CALN1: variants seen among roughly 807,000 people sequenced by gnomAD.
The protein encoded by CALN1 is calcium-binding protein 8.
A neutral mutation model predicts 30.6 loss-of-function variants in CALN1; 17 were observed. The ratio of observed to expected loss-of-function variants is 0.56; its 90% CI spans 0.38 to 0.83. The LOEUF (loss-of-function observed/expected upper bound fraction) is 0.83, where lower values mean the gene tolerates loss of function less well. Among genes scored for constraint, CALN1 ranks in the 40% least tolerant of loss-of-function variants. The pLI, the probability that CALN1 is intolerant of heterozygous loss-of-function variation, is 0.00. For missense variants in CALN1, 291 were observed against 354.9 expected (o/e 0.82, Z 1.45); for synonymous variants, 156 against 131.4 (o/e 1.19, Z -1.28).
At chr7:72,258,648 G>C (rs1393519101) in intron 3 of CALN1, among the ~76,000 whole-genome samples, 1 of 152,180 alleles carries the variant, frequency 6.6e-6, no homozygotes, top group Non-Finnish European at 1.5e-5. Flanking sequence ...AGCCAGGGGT[G>C]GTGGCTCACG....
At chr7:72,152,019 C>T (rs1787292494) in intron 3 of CALN1, among the ~76,000 whole-genome samples, 1 of 150,918 alleles carries the variant, frequency 6.6e-6, no homozygotes, top group Admixed American at 6.6e-5. Context: ...AGTGATTCTC[C>T]TGCCTCAGCC....
intron 5 of CALN1, among the ~76,000 whole-genome samples, chr7:72,021,070 A>C (rs1800676617): frequency 6.6e-6 from 1 of 152,102 alleles, no homozygotes; most frequent in Admixed American, 6.6e-5. Flanking sequence ...TAGGAGTTTG[A>C]GACCAGCCTG....
intron 2 of CALN1, among the ~76,000 whole-genome samples, chr7:72,297,430 A>G (rs557767526): frequency 2.0e-5 from 3 of 152,360 alleles, no homozygotes; most frequent in African/African-American, 4.8e-5. Flanking sequence ...ACAAATATAG[A>G]AAGCATAAAT....
chr7:72,437,925 C>T lies in CALN1; in HGVS notation c.-226+9117G>A, dbSNP rs535793597. Among the ~76,000 whole-genome samples, 4 of 148,236 alleles carry T rather than the reference C, an allele frequency of 2.7e-5. No homozygotes were observed. The Admixed American group carries it at 2.7e-4, about 10-fold the overall frequency. ...CTCCCTCCTTCCCTTCCCTCTCTCC[C>T]TTCCTTCCCTCTCTCCCTTCCTTCC... On this transcript the variant is annotated intron_variant, in intron 1 of 6. Coordinates refer to the CALN1 transcript ENST00000395276.
rs1246982884 is a variant in CALN1, at chr7:71,782,370, C to T, written c.*5405G>A. 1 of 152,184 alleles carries T rather than the reference C, an allele frequency of 6.6e-6. No individual in the cohort carries two copies. Among genetic ancestry groups the T allele is most frequent in the Non-Finnish European group, 1.5e-5 (1 of 68,054 alleles). The allele number at this position is 152,184 out of a possible 1,614,324, so 9.4% of individuals were successfully genotyped here. A position where few individuals can be genotyped will look rare whatever the true frequency, so the allele number is the denominator to read the frequency against. ...CTTGCTGTGTGACGTGCCTGCTCCC[C>T]CTTCACCTTCCACCATGGGTCAAAG... On this transcript the variant is annotated 3_prime_UTR_variant, in exon 7 of 7. Transcript: ENST00000395275.
In CALN1 at chr7:72,121,336, TA is replaced by T. The variant is rs1453223612; in HGVS notation, c.245-15043del. Among the ~76,000 whole-genome samples, 9 of 144,062 alleles carry T rather than the reference TA, an allele frequency of 6.2e-5. No individual in the cohort carries two copies. In the South Asian group the frequency reaches 1.9e-3, roughly 30 times the overall value. 94.5% of individuals were successfully genotyped at this position (144,062 alleles called of 152,430 possible). A position where few individuals can be genotyped will look rare whatever the true frequency, so the allele number is the denominator to read the frequency against. On this transcript the variant is annotated intron_variant, in intron 3 of 6. Transcript: ENST00000395275. ...GTGAATATATAAATTAAATAATATA[TA>T]AATTATATTATATAATTATGCAATA...
At chr7:71,959,283 T>C (rs1181471217) in intron 5 of CALN1, among the ~76,000 whole-genome samples, 3 of 152,322 alleles carry the variant, frequency 2.0e-5, no homozygotes, top group South Asian at 2.1e-4. Flanking sequence ...GCTAGCAACA[T>C]TGTGATCAGT....
chr7:72,211,634 C>T (rs1027899807), intron 3 of CALN1, among the ~76,000 whole-genome samples: 5 of 152,164 alleles, frequency 3.3e-5, no homozygotes, highest in African/African-American at 4.8e-5. Context: ...TGGTACATCA[C>T]GAATGTTCTA....
chr7:72,356,090 TC>T (rs1222155153), intron 2 of CALN1, among the ~76,000 whole-genome samples: 2 of 152,194 alleles, frequency 1.3e-5, no homozygotes, highest in Non-Finnish European at 2.9e-5. Flanking sequence ...TTACACTGTA[TC>T]CCATAGATAT....
chr7:72,318,147 G>A (rs904872558), intron 2 of CALN1, among the ~76,000 whole-genome samples: 8 of 152,056 alleles, frequency 5.3e-5, no homozygotes, highest in Admixed American at 1.3e-4. Context: ...ACTCTACAAC[G>A]TGAATTATTT....
At chr7:72,101,137 T>C (rs117102566) in intron 4 of CALN1, among the ~76,000 whole-genome samples, 6,303 of 152,046 alleles carry the variant, frequency 0.041, 215 homozygotes, top group Non-Finnish European at 0.064. Context: ...CTAATTGTTT[T>C]GTATTTTTAG....
At chr7:72,167,494 G>A (rs892927154) in intron 3 of CALN1, among the ~76,000 whole-genome samples, 29 of 152,036 alleles carry the variant, frequency 1.9e-4, no homozygotes, top group African/African-American at 4.8e-4. Flanking sequence ...ACAGGAGCCC[G>A]CCACCATGCT....
intron 5 of CALN1, among the ~76,000 whole-genome samples, chr7:71,936,312 C>G (rs1795827389): frequency 6.8e-6 from 1 of 147,062 alleles, no homozygotes; most frequent in Admixed American, 7.0e-5. Context: ...TGCTGGCTAA[C>G]AAGGTGAAAC....
At chr7:72,266,639 G>A (rs969868406) in intron 3 of CALN1, among the ~76,000 whole-genome samples, 2 of 151,896 alleles carry the variant, frequency 1.3e-5, no homozygotes, top group African/African-American at 4.8e-5. Flanking sequence ...TGCCTTGATC[G>A]CTTTTGGAAA....
intron 3 of CALN1, among the ~76,000 whole-genome samples, chr7:72,172,907 A>G (rs1789069667): frequency 6.6e-6 from 1 of 152,166 alleles, no homozygotes; most frequent in South Asian, 2.1e-4. Context: ...AAATATGTCC[A>G]CTGTTACCAC....
intron 3 of CALN1, among the ~76,000 whole-genome samples, chr7:72,227,390 A>T (rs935396691): frequency 1.3e-5 from 2 of 151,968 alleles, no homozygotes; most frequent in Admixed American, 1.3e-4. Flanking sequence ...AAATACAAAA[A>T]TTAGCTGGGA....
chr7:72,149,133 A>AT (rs1348755665), intron 3 of CALN1, among the ~76,000 whole-genome samples: 1 of 151,994 alleles, frequency 6.6e-6, no homozygotes, highest in Non-Finnish European at 1.5e-5. Context: ...TGCTGACACT[A>AT]TGCTTCCTGT....
rs141781965 is a variant in CALN1, at chr7:72,242,459, C to T, written c.244+36227G>A. On this transcript the variant is annotated intron_variant, in intron 3 of 6. Coordinates refer to ENST00000395275, the MANE Select transcript of CALN1 (RefSeq NM_031468.4). ...AGAACAACTCATTATTTTTTGTACA[C>T]GGTTGGGAAAATAAAATCCACTCTA... Among the ~76,000 whole-genome samples the T allele has an allele frequency of 1.4e-3, 215 of 152,112 alleles. 1 individual carries two copies. Among genetic ancestry groups the T allele is most frequent in the African/African-American group, 4.9e-3 (202 of 41,490 alleles).
At chr7:72,101,534 C>T (rs1806667178) in intron 4 of CALN1, among the ~76,000 whole-genome samples, 1 of 152,132 alleles carries the variant, frequency 6.6e-6, no homozygotes, top group African/African-American at 2.4e-5. Context: ...AAGCTGAGAA[C>T]CGCTCACACA....
Sources: allele counts gnomAD v4.1 joint callset (sites outside exome capture counted in the v4.1 genomes callset), GRCh38; gene constraint gnomAD v4.1.1; transcripts MANE v1.5; gene names NCBI Gene and HGNC (gene_info 2026-07-23, HGNC 2026-07-21).